Variants in CACNA1C observed in about 807,000 individuals in gnomAD.
CACNA1C encodes voltage-dependent L-type calcium channel subunit alpha-1C.
CACNA1C carries 30 observed loss-of-function variants against 229.0 expected under a neutral mutation model. The observed-to-expected ratio is 0.13, with a 90% CI of 0.10 to 0.18. CACNA1C has a LOEUF of 0.18. Ranked by LOEUF, CACNA1C falls within the 10% of genes least tolerant of loss-of-function variation. CACNA1C has a pLI of 1.00. For synonymous variants in CACNA1C, 1,114 were observed against 1,132.5 expected (o/e 0.98, Z 0.33); for missense variants, 1,658 against 2,845.0 (o/e 0.58, Z 9.49).
At chr12:2,137,946 C>T (rs1224598125) in intron 3 of CACNA1C, among the ~76,000 whole-genome samples, 4 of 151,436 alleles carry the variant, frequency 2.6e-5, no homozygotes, top group African/African-American at 7.2e-5. Context: ...CTCACACAGG[C>T]GCCCCTGCCG....
At chr12:2,642,215 C>G (rs2093793015) in intron 30 of CACNA1C, among the ~76,000 whole-genome samples, 1 of 152,144 alleles carries the variant, frequency 6.6e-6, no homozygotes, top group Non-Finnish European at 1.5e-5. Flanking sequence ...CATCCAGGCT[C>G]CCCTTGCCCT....
chr12:2,174,724 A>G lies in CACNA1C; in HGVS notation c.477+54294A>G, dbSNP rs986177433. Among the ~76,000 whole-genome samples the G allele has an allele frequency of 4.6e-5, 7 of 152,334 alleles. No individual in the cohort carries two copies. In the East Asian group the frequency reaches 1.3e-3, roughly 29 times the overall value. The stretch of plus-strand genomic sequence containing the variant: ...CGCAAAGCCTAACTACTAACAATCT[A>G]CTGTTTACCTGAAGCCTGACTGATA... On this transcript the variant is annotated intron_variant, in intron 3 of 46. Transcript: ENST00000399655.
At position 2,666,829 on chromosome 12, in the gene CACNA1C, G is replaced by T; in HGVS notation, c.4623+47G>T. 1 of 1,104,724 alleles carries T rather than the reference G, an allele frequency of 9.1e-7. No homozygotes were observed. 68.4% of individuals were successfully genotyped at this position (1,104,724 alleles called of 1,614,324 possible). On this transcript the variant is annotated intron_variant, in intron 37 of 46. Coordinates refer to ENST00000399655, the MANE Select transcript of CACNA1C (RefSeq NM_000719.7). This position sits in a 1 kb window ranked among gnomAD's most constrained non-coding sequence, Gnocchi z 5.3. ...GGGAGGGAGAGGGAAAATAGGGGAA[G>T]TGAAGTGCCCATTTCTTGTGATCCT...
rs144966739 is a variant in CACNA1C at position 2,529,969 on chromosome 12, G to A, written c.1390+16985G>A. Among the ~76,000 whole-genome samples the A allele has an allele frequency of 5.5e-3, 837 of 152,302 alleles. 13 individuals carry two copies. The highest frequency in any genetic ancestry group is 0.029 in the Admixed American group (444 of 15,296). On this transcript the variant is annotated intron_variant, in intron 9 of 46. Coordinates refer to ENST00000399655, the MANE Select transcript of CACNA1C (RefSeq NM_000719.7). ...CTTGAAAGGTCAACTCCCTTCAAAG[G>A]GGGCAGAGGTTTGATTTCGTCCATT...
intron 3 of CACNA1C, among the ~76,000 whole-genome samples, chr12:2,209,199 G>T (rs1262287318): frequency 1.3e-5 from 2 of 152,108 alleles, no homozygotes; most frequent in African/African-American, 2.4e-5. Flanking sequence ...TTTTGGATGA[G>T]GTATGTGATT....
At chr12:2,586,339 TC>T (rs1310374898) in intron 18 of CACNA1C, among the ~76,000 whole-genome samples, 1 of 152,206 alleles carries the variant, frequency 6.6e-6, no homozygotes, top group Non-Finnish European at 1.5e-5. Flanking sequence ...ACCACAGATG[TC>T]CCACTTGTTG....
intron 1 of CACNA1C, among the ~76,000 whole-genome samples, chr12:2,113,949 A>G (rs1362583894): frequency 1.3e-5 from 2 of 152,198 alleles, no homozygotes; most frequent in African/African-American, 4.8e-5. Flanking sequence ...ACTGGTTCCA[A>G]TCAGGTTTCC....
At chr12:2,616,402 A>C (rs754381530) in intron 29 of CACNA1C, among the ~76,000 whole-genome samples, 1 of 152,070 alleles carries the variant, frequency 6.6e-6, no homozygotes, top group Non-Finnish European at 1.5e-5. Flanking sequence ...GCCCCTCTTG[A>C]CTGGGTTAGA....
chr12:2,511,641 A>G (rs924470019), intron 8 of CACNA1C, among the ~76,000 whole-genome samples: 6 of 152,162 alleles, frequency 3.9e-5, no homozygotes, highest in African/African-American at 1.4e-4. Context: ...CAAAGACTGC[A>G]TATCAAAACC....
chr12:2,239,821 C>T (rs1181938967), intron 3 of CACNA1C, among the ~76,000 whole-genome samples: 4 of 152,094 alleles, frequency 2.6e-5, no homozygotes, highest in Non-Finnish European at 2.9e-5. Flanking sequence ...CGAGCATCTG[C>T]GGGGGGCGGT....
chr12:2,271,665 C>T (rs569563029), intron 3 of CACNA1C, among the ~76,000 whole-genome samples: 5 of 151,922 alleles, frequency 3.3e-5, no homozygotes, highest in East Asian at 1.9e-4. Context: ...TTAGGGAGGC[C>T]GAGGCAGGAG....
chr12:2,378,769 G>A (rs576969902), intron 3 of CACNA1C, among the ~76,000 whole-genome samples: 4 of 147,284 alleles, frequency 2.7e-5, no homozygotes, highest in Non-Finnish European at 4.4e-5. Context: ...CTTTTTGTTT[G>A]TTTATTTGGG....
intron 9 of CACNA1C, among the ~76,000 whole-genome samples, chr12:2,528,928 G>T (rs1198681527): frequency 6.6e-6 from 1 of 152,136 alleles, no homozygotes; most frequent in Admixed American, 6.5e-5. Flanking sequence ...GGACACTCAC[G>T]CAGGCCCAGT....
intron 3 of CACNA1C, among the ~76,000 whole-genome samples, chr12:2,249,299 G>C (rs900285662): frequency 6.6e-6 from 1 of 152,190 alleles, no homozygotes; most frequent in African/African-American, 2.4e-5. Flanking sequence ...GCCACATCCG[G>C]CCTGCCATCT....
intron 3 of CACNA1C, among the ~76,000 whole-genome samples, chr12:2,166,732 AAGTT>A (rs1240816927): frequency 1.3e-5 from 2 of 152,168 alleles, no homozygotes; most frequent in African/African-American, 4.8e-5. Flanking sequence ...CACTCAATAA[AAGTT>A]AGCTGAAATT....
intron 6 of CACNA1C, among the ~76,000 whole-genome samples, chr12:2,492,052 C>G (rs1371648769): frequency 6.6e-6 from 1 of 151,824 alleles, no homozygotes; most frequent in African/African-American, 2.4e-5. Flanking sequence ...GAACTGGGGT[C>G]TCTTCTGTCT....
At position 2,597,163 on chromosome 12, in the gene CACNA1C, C is replaced by A; in HGVS notation, c.2794-67C>A. 2.0e-6 allele frequency: 2 copies of A among 1,018,356 alleles called. No individual in the cohort carries two copies. The highest frequency in any genetic ancestry group is 3.1e-6 in the Non-Finnish European group (2 of 650,050). The allele number at this position is 1,018,356 out of a possible 1,614,324, so 63.1% of individuals were successfully genotyped here. A position where few individuals can be genotyped will look rare whatever the true frequency, so the allele number is the denominator to read the frequency against. ...CCTTTTCTGGTGAACATCCACTGACCTCTCTTCCCGTCCTGCTTTTCTCCC... is the reference window on the plus strand; with the variant it reads ...CCTTTTCTGGTGAACATCCACTGACATCTCTTCCCGTCCTGCTTTTCTCCC... On this transcript the variant is annotated intron_variant, in intron 20 of 46. Coordinates refer to ENST00000399655, the MANE Select transcript of CACNA1C (RefSeq NM_000719.7). The surrounding 1 kb of genome is among the most constrained non-coding windows in gnomAD (Gnocchi z 4.3).
rs1210772100 is a variant in CACNA1C at position 2,053,479 on chromosome 12, G to T, written c.-84G>T. ...CGCGAAAGCCGCCGGCCTCGGAGGA[G>T]GGATTAATCCAGACCCGCCGGGGGG... On this transcript the variant is annotated 5_prime_UTR_variant, in exon 1 of 47. The change creates a new upstream start codon in the 5' untranslated region. Transcript: ENST00000399655. This position sits in a 1 kb window ranked among gnomAD's most constrained non-coding sequence, Gnocchi z 5.8. 4.0e-5 allele frequency: 61 copies of T among 1,516,150 alleles called. No individual in the cohort carries two copies. The highest frequency in any genetic ancestry group is 5.0e-5 in the Non-Finnish European group (56 of 1,127,374). The allele number at this position is 1,516,150 out of a possible 1,614,324, so 93.9% of individuals were successfully genotyped here. A position where few individuals can be genotyped will look rare whatever the true frequency, so the allele number is the denominator to read the frequency against.
intron 3 of CACNA1C, among the ~76,000 whole-genome samples, chr12:2,210,451 G>C (rs115712209): frequency 0.017 from 2,561 of 152,294 alleles, 79 homozygotes; most frequent in African/African-American, 0.057. Flanking sequence ...CATTTAAATA[G>C]CTAGCCTTGT....
Sources: allele counts gnomAD v4.1 joint callset (sites outside exome capture counted in the v4.1 genomes callset), GRCh38; gene constraint gnomAD v4.1.1; non-coding constraint Gnocchi (gnomAD v3.1); transcripts MANE v1.5; gene names NCBI Gene and HGNC (gene_info 2026-07-23, HGNC 2026-07-21).